TEKT3: variants seen among roughly 807,000 people sequenced by gnomAD.
TEKT3 encodes the protein tektin 3.
TEKT3 carries 49 observed loss-of-function variants against 49.8 expected under a neutral mutation model. That is an observed-to-expected ratio of 0.98 (90% CI 0.78 to 1.25). TEKT3 has a LOEUF of 1.25. Among genes scored for constraint, TEKT3 ranks in the 50% most tolerant of loss-of-function variants. The pLI is 0.00. For missense variants in TEKT3, 595 were observed against 629.5 expected, an observed-to-expected ratio of 0.95 and a Z score of 0.59; for synonymous variants, 225 against 237.2, an observed-to-expected ratio of 0.95 and a Z score of 0.47.
intron 2 of TEKT3, among the ~76,000 whole-genome samples, chr17:15,339,102 G>A (rs372696897): frequency 2.6e-5 from 4 of 152,240 alleles, no homozygotes; most frequent in African/African-American, 9.6e-5. Flanking sequence ...CTCATGAATG[G>A]AATAATGCCA....
chr17:15,315,487 C>T (rs1910960535), intron 5 of TEKT3, among the ~76,000 whole-genome samples: 1 of 151,246 alleles, frequency 6.6e-6, no homozygotes, highest in East Asian at 1.9e-4. Flanking sequence ...GCGGCTTGGA[C>T]CAAGAGGATG....
At chr17:15,313,003 A>T (rs1448883002) in intron 6 of TEKT3, among the ~76,000 whole-genome samples, 3 of 152,228 alleles carry the variant, frequency 2.0e-5, no homozygotes, top group Non-Finnish European at 4.4e-5. Flanking sequence ...ACAGCCTTTC[A>T]TTCAAATGTG....
chr17:15,333,938 T>C (rs1322977047), intron 2 of TEKT3, among the ~76,000 whole-genome samples: 2 of 151,754 alleles, frequency 1.3e-5, no homozygotes, highest in Non-Finnish European at 2.9e-5. Flanking sequence ...AATTTTTTTG[T>C]ATTTTTAGTA....
chr17:15,343,424 C>T (rs1243698478), upstream of TEKT3, among the ~76,000 whole-genome samples: 1 of 152,152 alleles, frequency 6.6e-6, no homozygotes, highest in Admixed American at 6.5e-5. Flanking sequence ...TTAATGCTTG[C>T]CCTTCAGTTT....
Position 15,331,437 on chromosome 17 carries a change from CAAGG to C in TEKT3, c.145_148del (p.Pro49GlyfsTer55), listed in dbSNP as rs1233703678. The C allele has an allele frequency of 6.2e-7, 1 of 1,613,994 alleles. No individual in the cohort carries two copies. Among genetic ancestry groups the C allele is most frequent in the Non-Finnish European group, 8.5e-7 (1 of 1,179,984 alleles). On this transcript the variant is annotated frameshift_variant, in exon 3 of 9. Transcript: ENST00000395930. LOFTEE classifies it high-confidence loss of function. ...GACTTTGTAGTATGTGCTGGGTCTCCAAGGAAGGCTCAGGCTATGGGTCAAATTG... is the reference window on the plus strand; with the variant it reads ...GACTTTGTAGTATGTGCTGGGTCTCCAAGGCTCAGGCTATGGGTCAAATTG...
chr17:15,309,013 C>A (rs1427684180), intron 7 of TEKT3, 195 bp from the exon 8 acceptor site: 1 of 637,614 alleles, frequency 1.6e-6, no homozygotes, highest in Non-Finnish European at 2.6e-6. Context: ...CTGGCATGCA[C>A]CTGCTCTGGA....
upstream of TEKT3, among the ~76,000 whole-genome samples, chr17:15,342,913 A>G (rs550664839): frequency 6.6e-6 from 1 of 152,336 alleles, no homozygotes; most frequent in South Asian, 2.1e-4. Flanking sequence ...ATTCGGCCTA[A>G]GAAACATTTC....
At position 15,307,895 on chromosome 17, in the gene TEKT3, C is replaced by T. The variant is rs573345452; in HGVS notation, c.1256+769G>A. Among the ~76,000 whole-genome samples the T allele has an allele frequency of 2.6e-5, 4 of 152,136 alleles. No individual in the cohort carries two copies. In the South Asian group the frequency reaches 6.2e-4, roughly 24 times the overall value. ...AATTGGAAATGAAGCCGGATTGTGG[C>T]GGGGGTAGGGAGGGAATCTTGGCCA... On this transcript the variant is annotated intron_variant, in intron 8 of 8. Transcript: ENST00000395930.
intron 5 of TEKT3, among the ~76,000 whole-genome samples, chr17:15,317,823 A>G (rs973070005): frequency 1.3e-5 from 2 of 151,578 alleles, no homozygotes; most frequent in African/African-American, 2.4e-5. Context: ...CCCACCCCCA[A>G]CCATAAATAT....
intron 5 of TEKT3, among the ~76,000 whole-genome samples, chr17:15,317,577 C>T (rs527766256): frequency 1.9e-4 from 29 of 152,306 alleles, no homozygotes; most frequent in South Asian, 4.1e-4. Flanking sequence ...CAGATCCTGA[C>T]GCACAGGATG....
Position 15,312,352 on chromosome 17 carries a change from C to T in TEKT3, c.1008G>A (p.Met336Ile). 1 of 1,614,238 alleles carries T rather than the reference C, an allele frequency of 6.2e-7. No homozygotes were observed. The highest frequency in any genetic ancestry group is 8.5e-7 in the Non-Finnish European group (1 of 1,180,036). ...AGTTCACTTTGTTGAATTGATTCCA[C>T]ATCTCATTGGCAGTCACAACCAAGA... ...ENLLVVTANE[M>I]WNQFNKVNLS... The change falls in exon 7 of 9, where the codon ATG becomes ATA. Residue 336 changes from methionine (M) to isoleucine (I), a missense_variant. By Grantham distance (10) the Met-to-Ile change is conservative. Coordinates refer to ENST00000395930, the MANE Select transcript of TEKT3 (RefSeq NM_031898.3).
intron 2 of TEKT3, among the ~76,000 whole-genome samples, chr17:15,339,763 T>C (rs1263878184): frequency 2.0e-5 from 3 of 152,252 alleles, no homozygotes; most frequent in Non-Finnish European, 4.4e-5. Flanking sequence ...TTAGTTCCTT[T>C]GTAGCCACTT....
chr17:15,342,966 T>C (rs1233474233), upstream of TEKT3, among the ~76,000 whole-genome samples: 1 of 152,230 alleles, frequency 6.6e-6, no homozygotes, highest in Non-Finnish European at 1.5e-5. Context: ...TCATGCATAG[T>C]GTTCTGCATT....
At chr17:15,315,102 A>C (rs944796314) in intron 5 of TEKT3, among the ~76,000 whole-genome samples, 2 of 152,210 alleles carry the variant, frequency 1.3e-5, no homozygotes, top group African/African-American at 4.8e-5. Flanking sequence ...GACACCACCA[A>C]CATCTCTTCT....
At chr17:15,308,903 G>T in intron 7 of TEKT3, 85 bp from the exon 8 acceptor site, 1 of 1,510,442 alleles carries the variant, frequency 6.6e-7, no homozygotes. Context: ...TCCACTCCAT[G>T]TCCAGCACGT....
At chr17:15,305,954 G>A (rs1328929645) in intron 8 of TEKT3, among the ~76,000 whole-genome samples, 1 of 151,848 alleles carries the variant, frequency 6.6e-6, no homozygotes, top group Non-Finnish European at 1.5e-5. Flanking sequence ...CAGTTTCCTT[G>A]TTCTTGGCTG....
intron 2 of TEKT3, among the ~76,000 whole-genome samples, chr17:15,332,331 G>A (rs1472019460): frequency 6.6e-6 from 1 of 152,172 alleles, no homozygotes; most frequent in Non-Finnish European, 1.5e-5. Context: ...ACAGGACTCT[G>A]AGCCATGAGA....
chr17:15,325,310 G>A (rs749310447), intron 4 of TEKT3, among the ~76,000 whole-genome samples: 1 of 152,154 alleles, frequency 6.6e-6, no homozygotes, highest in Non-Finnish European at 1.5e-5. Context: ...GATAGGAATT[G>A]TGTTGAGTCT....
At chr17:15,330,287 G>A (rs2150749615) in intron 3 of TEKT3, among the ~76,000 whole-genome samples, 1 of 152,274 alleles carries the variant, frequency 6.6e-6, no homozygotes, top group African/African-American at 2.4e-5. Flanking sequence ...CTATTTAAGA[G>A]ATAAGATGGT....
Sources: allele counts gnomAD v4.1 joint callset (sites outside exome capture counted in the v4.1 genomes callset), GRCh38; gene constraint gnomAD v4.1.1; transcripts MANE v1.5; gene names NCBI Gene and HGNC (gene_info 2026-07-23, HGNC 2026-07-21).